PCDHGA12: variants seen among roughly 807,000 people sequenced by gnomAD.
The protein encoded by PCDHGA12 is protocadherin gamma subfamily A, 12.
A neutral mutation model predicts 61.1 loss-of-function variants in PCDHGA12; 43 were observed. The observed-to-expected ratio is 0.70, with a 90% CI of 0.55 to 0.91. The LOEUF (loss-of-function observed/expected upper bound fraction) is 0.91, where lower values mean the gene tolerates loss of function less well. PCDHGA12 is among the 40% of genes least tolerant of loss of function. The pLI is 0.00. For missense variants in PCDHGA12, 1,236 were observed against 1,227.7 expected (o/e 1.01, Z -0.10); for synonymous variants, 520 against 542.9 (o/e 0.96, Z 0.59).
chr5:141,502,087 C>T (rs1289663374), intron 2 of PCDHGA12, among the ~76,000 whole-genome samples: 1 of 152,180 alleles, frequency 6.6e-6, no homozygotes, highest in Admixed American at 6.5e-5. Context: ...GGGCTGAGAA[C>T]ACCTGGCCTT....
rs2099664737 is a variant in PCDHGA12, at chr5:141,487,754, G to GTAGAC, written c.2425-7052_2425-7048dup. 1 of 1,552,036 alleles carries GTAGAC rather than the reference G, an allele frequency of 6.4e-7. No homozygotes were observed. The highest frequency in any genetic ancestry group is 1.4e-5 in the African/African-American group (1 of 73,242). ...CATTTTTGTAAGAGGTAACTATGTG[G>GTAGAC]TAGACGCTGTGCTTTGTAACTGTTT... On this transcript the variant is annotated intron_variant, in intron 1 of 3. Transcript: ENST00000252085. This position sits in a 1 kb window ranked among gnomAD's most constrained non-coding sequence, Gnocchi z 5.0.
intron 2 of PCDHGA12, among the ~76,000 whole-genome samples, chr5:141,495,725 C>G (rs1339925752): frequency 1.3e-5 from 2 of 151,986 alleles, no homozygotes; most frequent in African/African-American, 4.8e-5. Flanking sequence ...TACACGGGAC[C>G]CTTAGTCTCT....
rs780578882 is a variant in PCDHGA12 at position 141,486,578 on chromosome 5, C to T, written c.2425-8229C>T. On this transcript the variant is annotated intron_variant, in intron 1 of 3. Coordinates refer to ENST00000252085, the MANE Select transcript of PCDHGA12 (RefSeq NM_003735.3). This position sits in a 1 kb window ranked among gnomAD's most constrained non-coding sequence, Gnocchi z 5.0. ...TGAGGTGTTTGTTCCTGAGAACAAT[C>T]GCCCAGGGGACCTGCTTTGCTCCCT... 1.6e-5 allele frequency: 26 copies of T among 1,613,728 alleles called. No homozygotes were observed. The highest frequency in any genetic ancestry group is 2.2e-5 in the South Asian group (2 of 91,072).
chr5:141,509,199 GTCTC>G (rs1017134758), intron 3 of PCDHGA12, among the ~76,000 whole-genome samples: 4 of 152,070 alleles, frequency 2.6e-5, no homozygotes, highest in Admixed American at 2.0e-4. Context: ...AATATTTCCT[GTCTC>G]TCTATTTCTC....
intron 1 of PCDHGA12, among the ~76,000 whole-genome samples, chr5:141,448,855 G>A (rs2098611434): frequency 6.6e-6 from 1 of 152,172 alleles, no homozygotes. Context: ...TGAGGCAGGA[G>A]AATGGCGTGA....
chr5:141,477,393 G>C lies in PCDHGA12; in HGVS notation c.2425-17414G>C. ...GAGACTGTGCCAGAATACAACCTCA[G>C]CATCACCGCCCGAGACGCCGGAACC... On this transcript the variant is annotated intron_variant, in intron 1 of 3. Coordinates refer to ENST00000252085, the MANE Select transcript of PCDHGA12 (RefSeq NM_003735.3). The surrounding 1 kb of genome is among the most constrained non-coding windows in gnomAD (Gnocchi z 4.9). The C allele has an allele frequency of 6.2e-7, 1 of 1,614,098 alleles. No individual in the cohort carries two copies. The highest frequency in any genetic ancestry group is 8.5e-7 in the Non-Finnish European group (1 of 1,180,028).
At chr5:141,492,560 G>T (rs2099742000) in intron 1 of PCDHGA12, among the ~76,000 whole-genome samples, 1 of 152,156 alleles carries the variant, frequency 6.6e-6, no homozygotes, top group Non-Finnish European at 1.5e-5. Context: ...CCTGGGGGGC[G>T]GCCTGAGCGA....
chr5:141,497,466 G>T (rs1047422582), intron 2 of PCDHGA12, among the ~76,000 whole-genome samples: 2 of 152,020 alleles, frequency 1.3e-5, no homozygotes, highest in African/African-American at 4.8e-5. Flanking sequence ...TGGAGATATG[G>T]AGGAGAAGGT....
intron 2 of PCDHGA12, among the ~76,000 whole-genome samples, chr5:141,502,500 G>A (rs1398797155): frequency 6.6e-6 from 1 of 152,046 alleles, no homozygotes; most frequent in Non-Finnish European, 1.5e-5. Context: ...ATCTAACGTC[G>A]GCCTGTCCCA....
At position 141,511,563 on chromosome 5, in the gene PCDHGA12, C is replaced by T. The variant is rs911782127; in HGVS notation, c.*390C>T. ...CCCCACTCCAACAGTTCCTCTTTCCCGAGTAAGGTGGTTGGGGTGTTGAAG... is the reference window on the plus strand; with the variant it reads ...CCCCACTCCAACAGTTCCTCTTTCCTGAGTAAGGTGGTTGGGGTGTTGAAG... On this transcript the variant is annotated 3_prime_UTR_variant, in exon 4 of 4. Coordinates refer to ENST00000252085, the MANE Select transcript of PCDHGA12 (RefSeq NM_003735.3). The T allele has an allele frequency of 7.8e-5, 23 of 295,048 alleles. No homozygotes were observed. The highest frequency in any genetic ancestry group is 3.4e-4 in the African/African-American group (16 of 46,532). The allele number at this position is 295,048 out of a possible 1,614,324, so 18.3% of individuals were successfully genotyped here. A position where few individuals can be genotyped will look rare whatever the true frequency, so the allele number is the denominator to read the frequency against.
At position 141,431,698 on chromosome 5, in the gene PCDHGA12, AT is replaced by A. The variant is rs2097408637; in HGVS notation, c.941del (p.Phe314SerfsTer21). ...IGELDHEESGFYQMEVQAMDN... is the reference protein window; with the variant it reads ...IGELDHEESGXYQMEVQAMDN... ...GGGAGTTGGACCACGAGGAGTCAGG[AT>A]TCTACCAGATGGAAGTGCAAGCAAT... On this transcript the variant is annotated frameshift_variant, in exon 1 of 4. Coordinates refer to ENST00000252085, the MANE Select transcript of PCDHGA12 (RefSeq NM_003735.3). LOFTEE classifies it high-confidence loss of function. The surrounding 1 kb of genome is among the most constrained non-coding windows in gnomAD (Gnocchi z 4.8). 4.3e-6 allele frequency: 7 copies of A among 1,614,104 alleles called. 1 individual carries two copies. The South Asian group carries it at 7.7e-5, about 18-fold the overall frequency.
chr5:141,489,610 C>G lies in PCDHGA12; in HGVS notation c.2425-5197C>G, dbSNP rs142775705. 3,083 of 1,614,088 alleles carry G rather than the reference C, an allele frequency of 1.9e-3. 6 individuals are homozygous for G. Among genetic ancestry groups the G allele is most frequent in the Non-Finnish European group, 2.4e-3 (2,793 of 1,179,988 alleles). ...GCTAATCCGTGTAGAGGTAGAGATC[C>G]TGGATCTCAATGACAACTCTCCTAG... On this transcript the variant is annotated intron_variant, in intron 1 of 3. Transcript: ENST00000252085. The surrounding 1 kb of genome is among the most constrained non-coding windows in gnomAD (Gnocchi z 4.5).
At position 141,473,122 on chromosome 5, in the gene PCDHGA12, T is replaced by C. The variant is rs533113606; in HGVS notation, c.2425-21685T>C. On this transcript the variant is annotated intron_variant, in intron 1 of 3. Coordinates refer to ENST00000252085, the MANE Select transcript of PCDHGA12 (RefSeq NM_003735.3). ...TATTACCACACTTTACTTGGCTCTT[T>C]GGCAAACTATATTATCTCTTCAGAT... Among the ~76,000 whole-genome samples, 3 of 152,362 alleles carry C rather than the reference T, an allele frequency of 2.0e-5. No homozygotes were observed. In the East Asian group the frequency reaches 5.8e-4, roughly 29 times the overall value.
chr5:141,470,123 C>T (rs368463710), intron 1 of PCDHGA12, among the ~76,000 whole-genome samples: 11 of 151,234 alleles, frequency 7.3e-5, no homozygotes, highest in Admixed American at 3.3e-4. Flanking sequence ...AGCAAGACTT[C>T]GTCTCAAAAA....
At position 141,485,286 on chromosome 5, in the gene PCDHGA12, A is replaced by G; in HGVS notation, c.2425-9521A>G. The G allele has an allele frequency of 2.5e-6, 4 of 1,614,044 alleles. No individual in the cohort carries two copies. On this transcript the variant is annotated intron_variant, in intron 1 of 3. Transcript: ENST00000252085. This position sits in a 1 kb window ranked among gnomAD's most constrained non-coding sequence, Gnocchi z 5.7. ...CAGATCCGCTACCCGGTCCCAGAGG[A>G]GTCACAGGAAGGGACTTTTGTAGGG...
At chr5:141,499,689 CTTTTTTTTTTT>C in intron 2 of PCDHGA12, among the ~76,000 whole-genome samples, 1 of 119,852 alleles carries the variant, frequency 8.3e-6, no homozygotes, top group Non-Finnish European at 1.7e-5. Context: ...TAACAGATGA[CTTTTTTTTTTT>C]TTTTTTTTTT....
intron 2 of PCDHGA12, among the ~76,000 whole-genome samples, chr5:141,499,182 C>T (rs980293990): frequency 5.3e-5 from 8 of 152,114 alleles, no homozygotes; most frequent in African/African-American, 1.7e-4. Flanking sequence ...GCCCAGCAAA[C>T]CATTTCCCCC....
intron 1 of PCDHGA12, chr5:141,440,921 G>C (rs1213425379): frequency 6.6e-6 from 1 of 152,260 alleles, no homozygotes; most frequent in Non-Finnish European, 1.5e-5. Context: ...TGTGCTGAGA[G>C]TGAGGGCCAC....
intron 1 of PCDHGA12, among the ~76,000 whole-genome samples, chr5:141,433,853 A>C (rs934981508): frequency 1.3e-5 from 2 of 151,912 alleles, no homozygotes; most frequent in African/African-American, 2.4e-5. Context: ...AAAAAAAAAA[A>C]AACTTTATCC....
Sources: allele counts gnomAD v4.1 joint callset (sites outside exome capture counted in the v4.1 genomes callset), GRCh38; gene constraint gnomAD v4.1.1; non-coding constraint Gnocchi (gnomAD v3.1); transcripts MANE v1.5; gene names NCBI Gene and HGNC (gene_info 2026-07-23, HGNC 2026-07-21).